Variants in ULK4 observed in about 807,000 individuals in gnomAD.
ULK4 encodes the protein unc-51 like kinase 4, also known as inactive serine/threonine-protein kinase ULK4.
ULK4 carries 133 observed loss-of-function variants against 160.6 expected under a neutral mutation model. That is an observed-to-expected ratio of 0.83 (90% confidence interval 0.72 to 0.96). The LOEUF (loss-of-function observed/expected upper bound fraction) is 0.96, where lower values mean the gene tolerates loss of function less well. Among genes scored for constraint, ULK4 ranks in the 40% least tolerant of loss-of-function variants. The pLI, the probability that ULK4 is intolerant of heterozygous loss-of-function variation, is 0.00. For missense variants in ULK4, 1,580 were observed against 1,499.5 expected (o/e 1.05, Z -0.89); for synonymous variants, 534 against 539.8 (o/e 0.99, Z 0.15).
intron 21 of ULK4, among the ~76,000 whole-genome samples, chr3:41,782,005 G>A (rs968760894): frequency 6.6e-6 from 1 of 152,166 alleles, no homozygotes; most frequent in Non-Finnish European, 1.5e-5. Context: ...ATGTGTTTAT[G>A]TTGGGCAATT....
intron 1 of ULK4, among the ~76,000 whole-genome samples, chr3:41,960,643 G>A (rs1700633515): frequency 6.6e-6 from 1 of 152,176 alleles, no homozygotes; most frequent in South Asian, 2.1e-4. Flanking sequence ...AGGATTACAG[G>A]TGTGAGCCAC....
intron 35 of ULK4, among the ~76,000 whole-genome samples, chr3:41,342,825 A>G (rs1438986460): frequency 6.6e-6 from 1 of 152,212 alleles, no homozygotes; most frequent in Non-Finnish European, 1.5e-5. Flanking sequence ...CTTATCCACC[A>G]TGATCAAGTT....
chr3:41,446,317 G>C (rs1460921913), intron 34 of ULK4, among the ~76,000 whole-genome samples: 1 of 152,102 alleles, frequency 6.6e-6, no homozygotes, highest in Non-Finnish European at 1.5e-5. Flanking sequence ...AGTCAGTGTG[G>C]CGATTCCTCA....
chr3:41,873,630 T>C (rs1697196007), intron 17 of ULK4, among the ~76,000 whole-genome samples: 1 of 152,218 alleles, frequency 6.6e-6, no homozygotes, highest in South Asian at 2.1e-4. Flanking sequence ...CTCAGCTCAC[T>C]GCAACCTCTG....
chr3:41,333,576 AAGGGTAAG>A (rs2080491558), intron 35 of ULK4, among the ~76,000 whole-genome samples: 1 of 152,064 alleles, frequency 6.6e-6, no homozygotes. Context: ...CATCTTACCT[AAGGGTAAG>A]CAAGGGTAGT....
chr3:41,439,390 A>C (rs1559602421), intron 34 of ULK4, among the ~76,000 whole-genome samples: 1 of 152,192 alleles, frequency 6.6e-6, no homozygotes, highest in Admixed American at 6.5e-5. Context: ...CTCTTGATGA[A>C]CTTGGATAGG....
chr3:41,313,733 T>A (rs1285392786), intron 35 of ULK4, among the ~76,000 whole-genome samples: 1 of 152,220 alleles, frequency 6.6e-6, no homozygotes, highest in Non-Finnish European at 1.5e-5. Flanking sequence ...AGTTCTATAG[T>A]GGTTTTAAAA....
chr3:41,557,203 A>G (rs1336720936), intron 32 of ULK4, among the ~76,000 whole-genome samples: 3 of 152,212 alleles, frequency 2.0e-5, no homozygotes, highest in Middle Eastern at 3.4e-3. Flanking sequence ...TAAAAATAAA[A>G]TTAAAATAGA....
At chr3:41,488,735 T>C (rs2084636779) in intron 32 of ULK4, among the ~76,000 whole-genome samples, 1 of 152,182 alleles carries the variant, frequency 6.6e-6, no homozygotes. Flanking sequence ...GTAAGGTTTG[T>C]TCCACTTTGA....
At chr3:41,850,990 G>T (rs1459829515) in intron 17 of ULK4, among the ~76,000 whole-genome samples, 1 of 152,206 alleles carries the variant, frequency 6.6e-6, no homozygotes, top group African/African-American at 2.4e-5. Flanking sequence ...TTTGTATAAG[G>T]TTTTCTAGAT....
chr3:41,423,025 A>G (rs1211585251), intron 34 of ULK4, among the ~76,000 whole-genome samples: 1 of 152,230 alleles, frequency 6.6e-6, no homozygotes, highest in Non-Finnish European at 1.5e-5. Flanking sequence ...ATAAGTACAG[A>G]CTTGGAAAAG....
At chr3:41,908,178 C>T (rs1403390644) in intron 11 of ULK4, among the ~76,000 whole-genome samples, 1 of 151,986 alleles carries the variant, frequency 6.6e-6, no homozygotes, top group Admixed American at 6.6e-5. Flanking sequence ...AACTAGAAAC[C>T]TTCAAGCATT....
chr3:41,658,966 T>C (rs149056231), intron 30 of ULK4, among the ~76,000 whole-genome samples: 2 of 152,348 alleles, frequency 1.3e-5, no homozygotes, highest in East Asian at 1.9e-4. Flanking sequence ...AGGGAACTTT[T>C]TGGAATGATA....
intron 8 of ULK4, among the ~76,000 whole-genome samples, chr3:41,913,410 A>G (rs1698863486): frequency 6.6e-6 from 1 of 152,038 alleles, no homozygotes; most frequent in South Asian, 2.1e-4. Flanking sequence ...TATTTTTAGT[A>G]GAGACGGGAT....
intron 22 of ULK4, among the ~76,000 whole-genome samples, chr3:41,721,349 TATATATATATATA>T (rs2125851204): frequency 1.6e-5 from 1 of 60,700 alleles, no homozygotes; most frequent in South Asian, 5.9e-4. Context: ...TATATATATA[TATATATATATATA>T]TTTTTTTTTT....
At chr3:41,468,885 G>C (rs150648597) in intron 32 of ULK4, among the ~76,000 whole-genome samples, 7 of 152,276 alleles carry the variant, frequency 4.6e-5, no homozygotes, top group African/African-American at 1.7e-4. Context: ...ACTGGGATTA[G>C]GCAGAAACAA....
chr3:41,919,631 T>A, intron 6 of ULK4, 86 bp downstream of exon 6: 1 of 1,136,168 alleles, frequency 8.8e-7, no homozygotes, highest in Non-Finnish European at 1.3e-6. Flanking sequence ...TTTTTTCACA[T>A]CTTATAGGTA....
chr3:41,597,839 C>G (rs903626660), intron 31 of ULK4, among the ~76,000 whole-genome samples: 1 of 152,108 alleles, frequency 6.6e-6, no homozygotes, highest in African/African-American at 2.4e-5. Context: ...ATAGTGGAGG[C>G]GAAGTCTACT....
intron 35 of ULK4, among the ~76,000 whole-genome samples, chr3:41,304,103 C>T (rs2079852795): frequency 6.6e-6 from 1 of 151,980 alleles, no homozygotes; most frequent in Admixed American, 6.5e-5. Flanking sequence ...GAAACCCCGT[C>T]TCTACTAAAA....
Sources: allele counts gnomAD v4.1 joint callset (sites outside exome capture counted in the v4.1 genomes callset), GRCh38; gene constraint gnomAD v4.1.1; transcripts MANE v1.5; gene names NCBI Gene and HGNC (gene_info 2026-07-23, HGNC 2026-07-21).